Variants in ENOX1 observed in about 807,000 individuals in gnomAD.
ENOX1 encodes candidate growth-related and time keeping constitutive hydroquinone (NADH) oxidase.
Under a neutral mutation model 82.5 loss-of-function variants are expected in ENOX1, and 42 were observed. The ratio of observed to expected loss-of-function variants is 0.51; its 90% CI spans 0.40 to 0.66. ENOX1 has a LOEUF of 0.66. ENOX1 is among the 30% of genes least tolerant of loss of function. The pLI, the probability that ENOX1 is intolerant of heterozygous loss-of-function variation, is 0.00. For synonymous variants in ENOX1, 271 were observed against 282.2 expected (o/e 0.96, Z 0.40); for missense variants, 608 against 811.6 (o/e 0.75, Z 3.05).
intron 1 of ENOX1, among the ~76,000 whole-genome samples, chr13:43,720,671 A>G (rs943647318): frequency 6.6e-6 from 1 of 152,180 alleles, no homozygotes; most frequent in Non-Finnish European, 1.5e-5. Context: ...GTGAAGCCTG[A>G]TGGGACACTA....
At chr13:43,418,442 C>T (rs138120838) in intron 3 of ENOX1, among the ~76,000 whole-genome samples, 1,748 of 151,894 alleles carry the variant, frequency 0.012, 31 homozygotes, top group African/African-American at 0.04. Flanking sequence ...GCAGGAGAAT[C>T]GCTTGAACCC....
intron 1 of ENOX1, among the ~76,000 whole-genome samples, chr13:43,762,128 G>A (rs1277377567): frequency 1.3e-5 from 2 of 152,208 alleles, no homozygotes; most frequent in South Asian, 2.1e-4. Flanking sequence ...GCAACATCTC[G>A]ATTAAGCGGG....
intron 2 of ENOX1, among the ~76,000 whole-genome samples, chr13:43,629,971 G>A (rs1050313249): frequency 3.9e-5 from 6 of 152,140 alleles, no homozygotes; most frequent in Admixed American, 1.3e-4. Flanking sequence ...TGAACACTAC[G>A]CAGAGTTCTG....
chr13:43,383,852 C>T (rs1420218011), intron 5 of ENOX1, among the ~76,000 whole-genome samples: 4 of 152,210 alleles, frequency 2.6e-5, no homozygotes, highest in African/African-American at 9.6e-5. Context: ...CTGGACACCA[C>T]CCTGCAGGTT....
intron 14 of ENOX1, among the ~76,000 whole-genome samples, chr13:43,242,690 G>A (rs144629312): frequency 6.6e-6 from 1 of 152,258 alleles, no homozygotes; most frequent in Non-Finnish European, 1.5e-5. Flanking sequence ...GGCTGGGTAG[G>A]GCCAATCATC....
intron 11 of ENOX1, among the ~76,000 whole-genome samples, chr13:43,312,565 G>A (rs923254734): frequency 2.6e-4 from 39 of 152,262 alleles, no homozygotes; most frequent in African/African-American, 9.4e-4. Context: ...TTATGAAATG[G>A]AAAACATGGG....
Position 43,488,919 on chromosome 13 carries a change from A to C in ENOX1, c.-218-4767T>G, listed in dbSNP as rs573272273. Among the ~76,000 whole-genome samples the C allele has an allele frequency of 3.3e-5, 5 of 152,240 alleles. No homozygotes were observed. The South Asian group carries it at 1.0e-3, about 32-fold the overall frequency. ...GAAATGCAGAACTTAAGAGCAATTA[A>C]CTAGACTATTTGGTGGAGTAAATTC... On this transcript the variant is annotated intron_variant, in intron 2 of 16. Transcript: ENST00000690772.
intron 3 of ENOX1, among the ~76,000 whole-genome samples, chr13:43,419,734 G>T (rs1294929449): frequency 6.6e-6 from 1 of 152,206 alleles, no homozygotes; most frequent in African/African-American, 2.4e-5. Flanking sequence ...CACTTTGGGA[G>T]GCCGAGGTGG....
At chr13:43,310,615 C>G (rs1194916011) in intron 11 of ENOX1, among the ~76,000 whole-genome samples, 1 of 151,954 alleles carries the variant, frequency 6.6e-6, no homozygotes, top group Non-Finnish European at 1.5e-5. Context: ...TCCTTAGGAG[C>G]CTAAGTGTTA....
At chr13:43,410,395 G>A (rs1283307508) in intron 5 of ENOX1, among the ~76,000 whole-genome samples, 1 of 152,060 alleles carries the variant, frequency 6.6e-6, no homozygotes, top group Non-Finnish European at 1.5e-5. Flanking sequence ...TGTCATTTAT[G>A]TACACCTACC....
In ENOX1 at chr13:43,484,076, TAA is replaced by T; in HGVS notation, c.-144_-143del. 1.0e-6 allele frequency: 1 copy of T among 985,448 alleles called. No homozygotes were observed. Among genetic ancestry groups the T allele is most frequent in the Non-Finnish European group, 1.2e-6 (1 of 829,834 alleles). 61.0% of individuals were successfully genotyped at this position (985,448 alleles called of 1,614,324 possible). ...GGACTTGATTGAAACCATGTATTCA[TAA>T]AAGTCTTTTAAATGGATGCTCTTCA... is the stretch of plus-strand genomic sequence containing the variant. On this transcript the variant is annotated 5_prime_UTR_variant, in exon 3 of 17. Coordinates refer to ENST00000690772, the MANE Select transcript of ENOX1 (RefSeq NM_001347969.2).
intron 2 of ENOX1, among the ~76,000 whole-genome samples, chr13:43,596,665 C>T (rs749312057): frequency 3.3e-5 from 5 of 152,130 alleles, no homozygotes; most frequent in Non-Finnish European, 7.4e-5. Flanking sequence ...AGAATATGGG[C>T]AATAAAAATT....
intron 8 of ENOX1, among the ~76,000 whole-genome samples, chr13:43,353,572 G>C (rs1431715275): frequency 1.3e-5 from 2 of 152,166 alleles, no homozygotes; most frequent in East Asian, 3.8e-4. Context: ...AGCTCCTCCT[G>C]TCTGGCTTTG....
intron 5 of ENOX1, among the ~76,000 whole-genome samples, chr13:43,395,877 G>A (rs893759393): frequency 7.2e-5 from 11 of 152,158 alleles, no homozygotes; most frequent in African/African-American, 2.2e-4. Context: ...GAGAAAATAC[G>A]CATTTCTTGT....
intron 3 of ENOX1, among the ~76,000 whole-genome samples, chr13:43,466,594 T>C (rs759342830): frequency 1.7e-4 from 26 of 152,196 alleles, no homozygotes; most frequent in Non-Finnish European, 3.2e-4. Flanking sequence ...TCAGAACTAG[T>C]AAGTAGATTT....
At chr13:43,633,188 G>A (rs2083285652) in intron 2 of ENOX1, among the ~76,000 whole-genome samples, 1 of 151,994 alleles carries the variant, frequency 6.6e-6, no homozygotes, top group Non-Finnish European at 1.5e-5. Context: ...TACTAACCAT[G>A]GAATTATAAA....
At position 43,613,868 on chromosome 13, in the gene ENOX1, T is replaced by C. The variant is rs552688063; in HGVS notation, c.-219+53611A>G. On this transcript the variant is annotated intron_variant, in intron 2 of 16. Coordinates refer to ENST00000690772, the MANE Select transcript of ENOX1 (RefSeq NM_001347969.2). The stretch of plus-strand genomic sequence containing the variant: ...ATCGCTTGAGCCCCGGAGGCGGAGG[T>C]TGCAGTGAGCCGCCGAGATCATGCC... Among the ~76,000 whole-genome samples, 18 of 151,878 alleles carry C rather than the reference T, an allele frequency of 1.2e-4. No homozygotes were observed. The East Asian group carries it at 3.5e-3, about 29-fold the overall frequency.
intron 12 of ENOX1, among the ~76,000 whole-genome samples, chr13:43,279,319 G>A (rs1004153980): frequency 3.3e-5 from 5 of 152,194 alleles, no homozygotes; most frequent in East Asian, 3.8e-4. Context: ...AAAGGCTAGC[G>A]TGATTAGCTC....
chr13:43,693,244 A>G lies in ENOX1; in HGVS notation c.-284-25700T>C, dbSNP rs887391015. ...TGATTTTTTTTCAAAGAGCATGTATACTTTTATAATTAAAATTATTATGAA... is the reference window on the plus strand; with the variant it reads ...TGATTTTTTTTCAAAGAGCATGTATGCTTTTATAATTAAAATTATTATGAA... On this transcript the variant is annotated intron_variant, in intron 1 of 16. Coordinates refer to ENST00000690772, the MANE Select transcript of ENOX1 (RefSeq NM_001347969.2). Among the ~76,000 whole-genome samples, 97 of 152,184 alleles carry G rather than the reference A, an allele frequency of 6.4e-4. 1 individual carries two copies. The East Asian group carries it at 7.3e-3, about 12-fold the overall frequency.
Sources: gnomAD v4.1 joint callset for allele counts (sites outside exome capture counted in the v4.1 genomes callset) on GRCh38, gnomAD v4.1.1 for gene constraint, MANE v1.5 for transcripts, NCBI Gene and HGNC (gene_info 2026-07-23, HGNC 2026-07-21) for gene names.